Variants in SNRPN observed in about 807,000 individuals in gnomAD.
SNRPN encodes small nuclear ribonucleoprotein polypeptide N.
Under a neutral mutation model 25.2 loss-of-function variants are expected in SNRPN, and 7 were observed. The ratio of observed to expected loss-of-function variants is 0.28; its 90% CI spans 0.16 to 0.52. The LOEUF is 0.52. SNRPN is among the 20% of genes least tolerant of loss of function. The pLI is 0.96. For synonymous variants in SNRPN, 124 were observed against 110.6 expected, an observed-to-expected ratio of 1.12 and a Z score of -0.76; for missense variants, 196 against 322.5, an observed-to-expected ratio of 0.61 and a Z score of 3.00.
intron 2 of SNRPN, among the ~76,000 whole-genome samples, chr15:24,830,781 G>C (rs75066798): frequency 0.085 from 12,956 of 152,044 alleles, 693 homozygotes; most frequent in Middle Eastern, 0.16. Context: ...GTTGTGTTTT[G>C]AGTGCATACA....
chr15:24,958,674 G>A (rs1409043644), intron 1 of SNRPN: 1 of 151,742 alleles, frequency 6.6e-6, no homozygotes, highest in African/African-American at 2.4e-5. Flanking sequence ...GAGGCAATGA[G>A]GTTTCTTATA....
intron 2 of SNRPN, among the ~76,000 whole-genome samples, chr15:24,844,552 T>C (rs2052020474): frequency 6.6e-6 from 1 of 151,934 alleles, no homozygotes; most frequent in African/African-American, 2.4e-5. Context: ...TGAGACAGAG[T>C]CTGTCTCTGT....
At chr15:24,837,066 T>C (rs2051260258) in intron 2 of SNRPN, among the ~76,000 whole-genome samples, 1 of 152,002 alleles carries the variant, frequency 6.6e-6, no homozygotes. Context: ...GTGCCATACA[T>C]TGGGGTAGTA....
At chr15:24,973,409 T>C (rs755816275) in intron 3 of SNRPN, among the ~76,000 whole-genome samples, 1 of 152,000 alleles carries the variant, frequency 6.6e-6, no homozygotes, top group Non-Finnish European at 1.5e-5. Flanking sequence ...TATTTTGAGA[T>C]GAAGTTTTGC....
chr15:24,974,484 G>A (rs142139027), intron 4 of SNRPN, 28 bp downstream of exon 4: 1 of 1,610,978 alleles, frequency 6.2e-7, no homozygotes, highest in African/African-American at 1.3e-5. Context: ...GCTGAGGGTT[G>A]AAATGTGCTG....
intron 2 of SNRPN, among the ~76,000 whole-genome samples, chr15:24,848,176 C>T (rs2052377408): frequency 7.3e-6 from 1 of 137,490 alleles, no homozygotes; most frequent in African/African-American, 2.6e-5. Flanking sequence ...GGCCAACCAG[C>T]TCGTGGTGCG....
At chr15:24,965,248 A>G (rs2075436114) in intron 2 of SNRPN, among the ~76,000 whole-genome samples, 1 of 152,154 alleles carries the variant, frequency 6.6e-6, no homozygotes, top group African/African-American at 2.4e-5. Context: ...CTAAAGATCA[A>G]TGAAGGAGGC....
At chr15:24,882,562 T>TA (rs2056792025) in intron 1 of SNRPN, among the ~76,000 whole-genome samples, 1 of 152,172 alleles carries the variant, frequency 6.6e-6, no homozygotes, top group South Asian at 2.1e-4. Flanking sequence ...CACGGTGGCT[T>TA]ACGCCTGTAA....
chr15:24,956,358 G>GGGGC (rs908618266), intron 1 of SNRPN, among the ~76,000 whole-genome samples: 9 of 151,572 alleles, frequency 5.9e-5, no homozygotes, highest in Non-Finnish European at 1.0e-4. Context: ...CTTCAGCGGG[G>GGGGC]GGGTGGCCGC....
At chr15:24,874,857 T>C (rs975637056) in intron 1 of SNRPN, among the ~76,000 whole-genome samples, 24 of 152,124 alleles carry the variant, frequency 1.6e-4, no homozygotes, top group African/African-American at 5.3e-4. Flanking sequence ...TTCAGAAGAG[T>C]TTGATCTGAG....
intron 1 of SNRPN, among the ~76,000 whole-genome samples, chr15:24,882,329 G>GA (rs752671654): frequency 6.6e-6 from 1 of 151,714 alleles, no homozygotes; most frequent in African/African-American, 2.4e-5. Context: ...TAAAAGGGAA[G>GA]AAAAAAAACT....
chr15:24,948,405 C>T (rs1216903011), intron 3 of SNRPN, among the ~76,000 whole-genome samples: 1 of 152,154 alleles, frequency 6.6e-6, no homozygotes, highest in Non-Finnish European at 1.5e-5. Flanking sequence ...AGCCACCGCA[C>T]CTGGCCTCAG....
intron 2 of SNRPN, among the ~76,000 whole-genome samples, chr15:24,965,441 G>A (rs1017989934): frequency 6.6e-6 from 1 of 152,198 alleles, no homozygotes; most frequent in African/African-American, 2.4e-5. Context: ...GGAGGCTGAG[G>A]TGGAAGAATC....
chr15:24,918,059 A>T (rs375165689), intron 2 of SNRPN, among the ~76,000 whole-genome samples: 1 of 152,032 alleles, frequency 6.6e-6, no homozygotes, highest in Non-Finnish European at 1.5e-5. Context: ...AAAATACTTT[A>T]AATATTTTTC....
chr15:24,966,839 C>A (rs150056374), intron 2 of SNRPN, among the ~76,000 whole-genome samples: 1 of 152,142 alleles, frequency 6.6e-6, no homozygotes, highest in Non-Finnish European at 1.5e-5. Flanking sequence ...TGGTGATCCC[C>A]CAGCTCCTCA....
chr15:24,887,196 G>A (rs974476555), intron 2 of SNRPN, among the ~76,000 whole-genome samples: 4 of 142,306 alleles, frequency 2.8e-5, no homozygotes, highest in African/African-American at 1.1e-4. Flanking sequence ...TGCCCAGACT[G>A]GAGTGCAGTG....
chr15:24,957,106 T>G (rs1464175601), intron 1 of SNRPN, among the ~76,000 whole-genome samples: 1 of 152,214 alleles, frequency 6.6e-6, no homozygotes, highest in African/African-American at 2.4e-5. Flanking sequence ...CTCCCTGTAG[T>G]CTTTGATTTC....
chr15:24,840,012 G>A (rs2051550535), intron 2 of SNRPN, among the ~76,000 whole-genome samples: 1 of 152,146 alleles, frequency 6.6e-6, no homozygotes, highest in African/African-American at 2.4e-5. Flanking sequence ...TTCTGGCCAC[G>A]AGGTGCCCAG....
At chr15:24,864,225 T>C (rs2147941279) in intron 1 of SNRPN, among the ~76,000 whole-genome samples, 1 of 148,364 alleles carries the variant, frequency 6.7e-6, no homozygotes, top group African/African-American at 2.5e-5. Flanking sequence ...AGACGGGGTT[T>C]CACCATGTTA....
Sources: gnomAD v4.1 joint callset for allele counts (sites outside exome capture counted in the v4.1 genomes callset) on GRCh38, gnomAD v4.1.1 for gene constraint, MANE v1.5 for transcripts, NCBI Gene and HGNC (gene_info 2026-07-23, HGNC 2026-07-21) for gene names.